The following SNX9 variants were observed in gnomAD, a reference collection of about 807,000 sequenced individuals.
SNX9 encodes sorting nexin 9.
A neutral mutation model predicts 89.4 loss-of-function variants in SNX9; 44 were observed. The observed-to-expected ratio is 0.49, with a 90% CI of 0.39 to 0.63. SNX9 has a LOEUF of 0.63. Among genes scored for constraint, SNX9 ranks in the 30% least tolerant of loss-of-function variants. The probability of loss-of-function intolerance (pLI) is 0.00; values close to 1 mark genes in which losing one functional copy is unlikely to be tolerated. For synonymous variants in SNX9, 236 were observed against 247.8 expected, an observed-to-expected ratio of 0.95 and a Z score of 0.45; for missense variants, 578 against 736.1, an observed-to-expected ratio of 0.79 and a Z score of 2.49.
intron 4 of SNX9, among the ~76,000 whole-genome samples, 154 bp from the exon 5 acceptor site, chr6:157,896,673 A>T (rs1782983147): frequency 6.6e-6 from 1 of 152,280 alleles, no homozygotes; most frequent in African/African-American, 2.4e-5. Flanking sequence ...ATGTTTGGAA[A>T]TTAAAATATT....
At chr6:157,851,885 G>A (rs938784354) in intron 1 of SNX9, among the ~76,000 whole-genome samples, 6 of 152,128 alleles carry the variant, frequency 3.9e-5, no homozygotes, top group Non-Finnish European at 7.4e-5. Flanking sequence ...CACCGTGCCC[G>A]GCCTGTTTGT....
intron 1 of SNX9, among the ~76,000 whole-genome samples, chr6:157,844,154 C>A (rs1037104411): frequency 2.6e-5 from 4 of 152,092 alleles, no homozygotes; most frequent in African/African-American, 9.7e-5. Context: ...GGATTGTAAC[C>A]GCCCAATGGG....
rs113720723 is a variant in SNX9, at chr6:157,823,827, G to C, written c.12+381G>C. Among the ~76,000 whole-genome samples, 11 of 151,950 alleles carry C rather than the reference G, an allele frequency of 7.2e-5. No individual in the cohort carries two copies. The highest frequency in any genetic ancestry group is 5.9e-4 in the Admixed American group (9 of 15,270). Reference sequence around the variant, plus strand: ...AGGCGACTGGCGCTCTGTGGCGTCCGGCGTCCCCGCCGCCCCCACGTCCCC... The same window carrying C: ...AGGCGACTGGCGCTCTGTGGCGTCCCGCGTCCCCGCCGCCCCCACGTCCCC... On this transcript the variant is annotated intron_variant, in intron 1 of 17. Transcript: ENST00000392185. The surrounding 1 kb of genome is among the most constrained non-coding windows in gnomAD (Gnocchi z 4.6).
intron 1 of SNX9, among the ~76,000 whole-genome samples, chr6:157,825,488 A>C (rs1583184044): frequency 6.6e-6 from 1 of 152,164 alleles, no homozygotes; most frequent in Non-Finnish European, 1.5e-5. Context: ...CTTGTATATT[A>C]ATCTCGAATT....
intron 15 of SNX9, among the ~76,000 whole-genome samples, chr6:157,938,125 G>C (rs370289833): frequency 6.6e-6 from 1 of 152,302 alleles, no homozygotes; most frequent in East Asian, 1.9e-4. Context: ...AGCTTTTCTA[G>C]CCGCTTCCAT....
chr6:157,890,686 G>A (rs991296541), intron 4 of SNX9, among the ~76,000 whole-genome samples: 6 of 152,182 alleles, frequency 3.9e-5, no homozygotes, highest in African/African-American at 9.7e-5. Context: ...CCACGTTCAC[G>A]GGCAGCAGGA....
At chr6:157,879,855 A>T (rs776402514) in intron 4 of SNX9, among the ~76,000 whole-genome samples, 1 of 152,246 alleles carries the variant, frequency 6.6e-6, no homozygotes, top group African/African-American at 2.4e-5. Flanking sequence ...TTGAGAAATT[A>T]ATAGAAAGTT....
At chr6:157,849,154 G>A (rs557325032) in intron 1 of SNX9, among the ~76,000 whole-genome samples, 1 of 152,328 alleles carries the variant, frequency 6.6e-6, no homozygotes, top group African/African-American at 2.4e-5. Context: ...ATTTATCATT[G>A]AAGGTAAGAA....
chr6:157,845,138 C>G (rs893666901), intron 1 of SNX9, among the ~76,000 whole-genome samples: 1 of 146,394 alleles, frequency 6.8e-6, no homozygotes, highest in Non-Finnish European at 1.5e-5. Context: ...GACGGAGTTC[C>G]GCTCTTGTCG....
intron 6 of SNX9, among the ~76,000 whole-genome samples, chr6:157,904,453 C>T (rs1461712074): frequency 6.6e-6 from 1 of 151,586 alleles, no homozygotes; most frequent in Non-Finnish European, 1.5e-5. Context: ...TAAAAGGCAT[C>T]TTGATGATGC....
At chr6:157,854,994 A>T (rs1430721727) in intron 1 of SNX9, among the ~76,000 whole-genome samples, 1 of 151,284 alleles carries the variant, frequency 6.6e-6, no homozygotes, top group Non-Finnish European at 1.5e-5. Context: ...AAAAGGGCAA[A>T]AAAACCCCAC....
intron 1 of SNX9, among the ~76,000 whole-genome samples, chr6:157,828,201 C>T (rs1018572403): frequency 1.1e-4 from 15 of 136,750 alleles, no homozygotes; most frequent in Non-Finnish European, 1.9e-4. Flanking sequence ...TTCTATGTGT[C>T]TTAAGTAGAG....
intron 2 of SNX9, among the ~76,000 whole-genome samples, chr6:157,870,768 C>G (rs951211599): frequency 5.3e-5 from 8 of 151,122 alleles, no homozygotes; most frequent in Non-Finnish European, 1.2e-4. Context: ...CTCACCTGCT[C>G]TCACACATAT....
intron 1 of SNX9, among the ~76,000 whole-genome samples, chr6:157,856,667 A>G (rs1782018448): frequency 6.6e-6 from 1 of 152,166 alleles, no homozygotes. Flanking sequence ...CCCAACCCTT[A>G]TCCCCTACTT....
chr6:157,920,495 G>A (rs976503783), intron 9 of SNX9, among the ~76,000 whole-genome samples: 3 of 152,148 alleles, frequency 2.0e-5, no homozygotes, highest in African/African-American at 4.8e-5. Flanking sequence ...GAACACGTGG[G>A]GTGGGTGGCA....
intron 12 of SNX9, among the ~76,000 whole-genome samples, chr6:157,930,045 A>G (rs1783776369): frequency 6.6e-6 from 1 of 152,106 alleles, no homozygotes; most frequent in Non-Finnish European, 1.5e-5. Flanking sequence ...TTCAACAGAA[A>G]CTTGTGGCTC....
At position 157,844,035 on chromosome 6, in the gene SNX9, T is replaced by A. The variant is rs139412308; in HGVS notation, c.12+20589T>A. Among the ~76,000 whole-genome samples the A allele has an allele frequency of 2.5e-3, 373 of 151,954 alleles. 1 individual carries two copies. The highest frequency in any genetic ancestry group is 8.5e-3 in the African/African-American group (353 of 41,446). Reference sequence around the variant, plus strand: ...GATTACAGGCCCATACCTCCTCACCTGCCTAATTTTTGTATTTTTAGTAGA... The same window carrying A: ...GATTACAGGCCCATACCTCCTCACCAGCCTAATTTTTGTATTTTTAGTAGA... On this transcript the variant is annotated intron_variant, in intron 1 of 17. Coordinates refer to ENST00000392185, the MANE Select transcript of SNX9 (RefSeq NM_016224.5).
At chr6:157,852,449 A>G (rs1381023857) in intron 1 of SNX9, among the ~76,000 whole-genome samples, 1 of 151,872 alleles carries the variant, frequency 6.6e-6, no homozygotes, top group Non-Finnish European at 1.5e-5. Flanking sequence ...TCTCGCTACC[A>G]TGGTCACTCT....
chr6:157,841,020 G>C (rs1781693082), intron 1 of SNX9, among the ~76,000 whole-genome samples: 1 of 152,166 alleles, frequency 6.6e-6, no homozygotes, highest in Admixed American at 6.5e-5. Flanking sequence ...TCCGATGAGG[G>C]TCACTGTTTG....
Sources: allele counts gnomAD v4.1 joint callset (sites outside exome capture counted in the v4.1 genomes callset), GRCh38; gene constraint gnomAD v4.1.1; non-coding constraint Gnocchi (gnomAD v3.1); transcripts MANE v1.5; gene names NCBI Gene and HGNC (gene_info 2026-07-23, HGNC 2026-07-21).